The following FGF18 variants were observed in gnomAD, a reference collection of about 807,000 sequenced individuals.
FGF18 encodes fibroblast growth factor 18.
Under a neutral mutation model 23.0 loss-of-function variants are expected in FGF18, and 5 were observed. The ratio of observed to expected loss-of-function variants is 0.22; its 90% CI spans 0.11 to 0.46. The LOEUF (loss-of-function observed/expected upper bound fraction) is 0.46, where lower values mean the gene tolerates loss of function less well. FGF18 is among the 20% of genes least tolerant of loss of function. FGF18 has a pLI of 0.99. For synonymous variants in FGF18, 117 were observed against 118.9 expected (o/e 0.98, Z 0.10); for missense variants, 180 against 291.6 (o/e 0.62, Z 2.79).
In FGF18 at chr5:171,457,076, A is replaced by C; in HGVS notation, c.*271A>C. On this transcript the variant is annotated 3_prime_UTR_variant, in exon 5 of 5. Coordinates refer to ENST00000274625, the MANE Select transcript of FGF18 (RefSeq NM_003862.3). ...TCTCTCTCTAGGAACAGACAACTCTAAACTCGTCCCCAGAGGAGGACTTGA... is the reference window on the plus strand; with the variant it reads ...TCTCTCTCTAGGAACAGACAACTCTCAACTCGTCCCCAGAGGAGGACTTGA... 1 of 391,072 alleles carries C rather than the reference A, an allele frequency of 2.6e-6. No homozygotes were observed. Among genetic ancestry groups the C allele is most frequent in the Non-Finnish European group, 4.5e-6 (1 of 220,862 alleles). The allele number at this position is 391,072 out of a possible 1,614,324, so 24.2% of individuals were successfully genotyped here.
intron 4 of FGF18, among the ~76,000 whole-genome samples, chr5:171,453,805 T>A (rs10078448): frequency 6.6e-6 from 1 of 151,924 alleles, no homozygotes; most frequent in South Asian, 2.1e-4. Flanking sequence ...CCCTAATCAG[T>A]GTGTCTCAGG....
chr5:171,449,973 G>A (rs1348844781), intron 4 of FGF18, among the ~76,000 whole-genome samples: 1 of 152,008 alleles, frequency 6.6e-6, no homozygotes, highest in East Asian at 1.9e-4. Context: ...CTTCCTCTGG[G>A]TGTTCCAATG....
At chr5:171,452,642 T>C (rs1231459486) in intron 4 of FGF18, among the ~76,000 whole-genome samples, 1 of 152,112 alleles carries the variant, frequency 6.6e-6, no homozygotes, top group South Asian at 2.1e-4. Flanking sequence ...GGCATTTTTT[T>C]CCCCATCTCT....
chr5:171,441,160 T>C (rs913409005), intron 3 of FGF18, among the ~76,000 whole-genome samples: 3 of 152,160 alleles, frequency 2.0e-5, no homozygotes, highest in Non-Finnish European at 4.4e-5. Flanking sequence ...CCCATTTCCC[T>C]CCTTCTGGTA....
At position 171,440,425 on chromosome 5, in the gene FGF18, C is replaced by T. The variant is rs1456487076; in HGVS notation, c.250+4152C>T. Among the ~76,000 whole-genome samples the T allele has an allele frequency of 1.3e-5, 2 of 152,048 alleles. No individual in the cohort carries two copies. Among genetic ancestry groups the T allele is most frequent in the Admixed American group, 6.6e-5 (1 of 15,262 alleles). ...TCTCTGCCCCAGTGAGGGAGGAGGGCCTTTGGCTCCCCTGATTGCGTGTGT... is the reference window on the plus strand; with the variant it reads ...TCTCTGCCCCAGTGAGGGAGGAGGGTCTTTGGCTCCCCTGATTGCGTGTGT... On this transcript the variant is annotated intron_variant, in intron 3 of 4. Transcript: ENST00000274625. This position sits in a 1 kb window ranked among gnomAD's most constrained non-coding sequence, Gnocchi z 4.0.
chr5:171,425,005 A>G (rs1427812543), intron 2 of FGF18, among the ~76,000 whole-genome samples: 2 of 152,188 alleles, frequency 1.3e-5, no homozygotes, highest in South Asian at 4.1e-4. Context: ...TCGGTCACAG[A>G]TGCAGCCTCC....
chr5:171,453,876 G>A (rs1772548158), intron 4 of FGF18, among the ~76,000 whole-genome samples: 1 of 151,954 alleles, frequency 6.6e-6, no homozygotes, highest in Non-Finnish European at 1.5e-5. Flanking sequence ...AGGAGGGAGA[G>A]TCTGTTTTCT....
At chr5:171,429,171 C>T (rs1772142144) in intron 2 of FGF18, among the ~76,000 whole-genome samples, 2 of 152,184 alleles carry the variant, frequency 1.3e-5, no homozygotes, top group Admixed American at 1.3e-4. Context: ...CAGGGTGGGC[C>T]CGGCCTTCCT....
chr5:171,436,969 C>A lies in FGF18; in HGVS notation c.250+696C>A, dbSNP rs1772256103. The stretch of plus-strand genomic sequence containing the variant: ...TTCCCAGAGCTTGGAGGGCCTCTGG[C>A]CTAGACAGACACTGAGCAAATACCA... On this transcript the variant is annotated intron_variant, in intron 3 of 4. Transcript: ENST00000274625. The surrounding 1 kb of genome is among the most constrained non-coding windows in gnomAD (Gnocchi z 4.4). Among the ~76,000 whole-genome samples, 1 of 152,222 alleles carries A rather than the reference C, an allele frequency of 6.6e-6. No individual in the cohort carries two copies. The highest frequency in any genetic ancestry group is 2.4e-5 in the African/African-American group (1 of 41,456).
Position 171,456,580 on chromosome 5 carries a change from T to A in FGF18, c.399T>A (p.Val133=), listed in dbSNP as rs765460098. The A allele has an allele frequency of 3.7e-6, 6 of 1,613,890 alleles. No individual in the cohort carries two copies. Among genetic ancestry groups the A allele is most frequent in the Non-Finnish European group, 5.1e-6 (6 of 1,180,006 alleles). The stretch of plus-strand genomic sequence containing the variant: ...AGGAGTGTGTGTTCATCGAGAAGGT[T>A]CTGGAGAACAACTACACGGCCCTGA... ...TSKECVFIEK[V]LENNYTALMS... is the part of the protein sequence containing the mutation. Residue 133 remains valine, a synonymous_variant, in exon 5 of 5, where the codon GTT becomes GTA. Transcript: ENST00000274625. This position sits in a 1 kb window ranked among gnomAD's most constrained non-coding sequence, Gnocchi z 6.1.
At chr5:171,423,033 G>A (rs1191677026) in intron 2 of FGF18, among the ~76,000 whole-genome samples, 5 of 152,198 alleles carry the variant, frequency 3.3e-5, no homozygotes, top group African/African-American at 7.2e-5. Context: ...CCCTCCCCTC[G>A]CAGTGTTTTC....
chr5:171,424,781 G>T (rs975234051), intron 2 of FGF18, among the ~76,000 whole-genome samples: 1 of 151,608 alleles, frequency 6.6e-6, no homozygotes, highest in African/African-American at 2.4e-5. Context: ...CAGAGTTAGA[G>T]GGGGGTACTT....
chr5:171,430,794 CA>C (rs566577499), intron 2 of FGF18, among the ~76,000 whole-genome samples: 7,157 of 53,784 alleles, frequency 0.13, 84 homozygotes, highest in East Asian at 0.22. Context: ...GACTCCGTCT[CA>C]AAAAAAAAAA....
Position 171,434,478 on chromosome 5 carries a change from G to A in FGF18, c.70-1615G>A, listed in dbSNP as rs115398800. On this transcript the variant is annotated intron_variant, in intron 2 of 4. Transcript: ENST00000274625. This position sits in a 1 kb window ranked among gnomAD's most constrained non-coding sequence, Gnocchi z 4.6. Reference sequence around the variant, plus strand: ...TGTTTGGGCAGCCAGGGTCCCAAGAGCTCTGCCATGGGCTGAGTGGGGGCG... The same window carrying A: ...TGTTTGGGCAGCCAGGGTCCCAAGAACTCTGCCATGGGCTGAGTGGGGGCG... Among the ~76,000 whole-genome samples the A allele has an allele frequency of 6.8e-3, 1,031 of 152,318 alleles. 13 individuals are homozygous for A. Among genetic ancestry groups the A allele is most frequent in the African/African-American group, 0.024 (990 of 41,566 alleles).
chr5:171,446,605 G>A (rs1039257409), intron 3 of FGF18, among the ~76,000 whole-genome samples: 1 of 152,112 alleles, frequency 6.6e-6, no homozygotes, highest in Non-Finnish European at 1.5e-5. Flanking sequence ...CTCTCCCTTG[G>A]GCCTACTTGG....
At chr5:171,444,147 G>A (rs4472276) in intron 3 of FGF18, among the ~76,000 whole-genome samples, 1 of 152,180 alleles carries the variant, frequency 6.6e-6, no homozygotes, top group Non-Finnish European at 1.5e-5. Context: ...GGAGCTGAGG[G>A]AAGGTGGACA....
At position 171,440,234 on chromosome 5, in the gene FGF18, G is replaced by T. The variant is rs1252377323; in HGVS notation, c.250+3961G>T. On this transcript the variant is annotated intron_variant, in intron 3 of 4. Coordinates refer to ENST00000274625, the MANE Select transcript of FGF18 (RefSeq NM_003862.3). The surrounding 1 kb of genome is among the most constrained non-coding windows in gnomAD (Gnocchi z 4.0). ...CCTTACTATGGGTGTGTGGGGGGGG[G>T]TGGTGCCATCGCGGGCTCAGGTGAG... Among the ~76,000 whole-genome samples, 1 of 150,872 alleles carries T rather than the reference G, an allele frequency of 6.6e-6. No homozygotes were observed. The highest frequency in any genetic ancestry group is 1.5e-5 in the Non-Finnish European group (1 of 67,748).
intron 3 of FGF18, among the ~76,000 whole-genome samples, chr5:171,438,290 C>G (rs1050788222): frequency 2.0e-5 from 3 of 151,848 alleles, no homozygotes; most frequent in African/African-American, 7.3e-5. Flanking sequence ...TTAATAGAGA[C>G]GGGGTTTCGC....
chr5:171,446,282 G>A (rs1392980205), intron 3 of FGF18, among the ~76,000 whole-genome samples: 1 of 152,094 alleles, frequency 6.6e-6, no homozygotes, highest in Non-Finnish European at 1.5e-5. Flanking sequence ...CCTTTGGACA[G>A]CTCAGGCAAA....
Sources: allele counts gnomAD v4.1 joint callset (sites outside exome capture counted in the v4.1 genomes callset), GRCh38; gene constraint gnomAD v4.1.1; non-coding constraint Gnocchi (gnomAD v3.1); transcripts MANE v1.5; gene names NCBI Gene and HGNC (gene_info 2026-07-23, HGNC 2026-07-21).